The following CYB5R4 variants were observed in gnomAD, a reference collection of about 807,000 sequenced individuals.
The protein encoded by CYB5R4 is cytochrome b5 reductase 4.
CYB5R4 carries 55 observed loss-of-function variants against 70.2 expected under a neutral mutation model. The observed-to-expected ratio is 0.78, with a 90% confidence interval of 0.63 to 0.98. CYB5R4 has a LOEUF of 0.98. Ranked by LOEUF, CYB5R4 falls within the 50% of genes least tolerant of loss-of-function variation. The pLI, the probability that CYB5R4 is intolerant of heterozygous loss-of-function variation, is 0.00. For synonymous variants in CYB5R4, 197 were observed against 199.5 expected (o/e 0.99, Z 0.11); for missense variants, 562 against 612.6 (o/e 0.92, Z 0.87).
chr6:83,891,712 A>G (rs1176819070), intron 2 of CYB5R4, among the ~76,000 whole-genome samples: 1 of 152,168 alleles, frequency 6.6e-6, no homozygotes, highest in Non-Finnish European at 1.5e-5. Flanking sequence ...ACTCACGTCC[A>G]CGGAGTGATC....
chr6:83,867,745 G>A (rs112130846), intron 2 of CYB5R4, among the ~76,000 whole-genome samples: 2 of 152,334 alleles, frequency 1.3e-5, no homozygotes, highest in Non-Finnish European at 2.9e-5. Flanking sequence ...TGCACAGCAT[G>A]ACTCAGCGGG....
intron 14 of CYB5R4, among the ~76,000 whole-genome samples, chr6:83,948,937 C>T (rs2099471094): frequency 6.6e-6 from 1 of 151,930 alleles, no homozygotes. Context: ...CTCTGGCCTG[C>T]CTTTATCCTC....
chr6:83,944,785 A>T (rs1204374141), intron 14 of CYB5R4, among the ~76,000 whole-genome samples: 2 of 152,190 alleles, frequency 1.3e-5, no homozygotes, highest in African/African-American at 4.8e-5. Context: ...AGGAGTTGCA[A>T]TCCTAGTTTC....
intron 14 of CYB5R4, among the ~76,000 whole-genome samples, chr6:83,945,183 C>T (rs566502945): frequency 1.1e-4 from 17 of 152,308 alleles, no homozygotes; most frequent in African/African-American, 3.8e-4. Context: ...AAGTAAAACA[C>T]TCCTCAGCAA....
At chr6:83,877,227 G>A (rs1291950141) in intron 2 of CYB5R4, among the ~76,000 whole-genome samples, 2 of 151,936 alleles carry the variant, frequency 1.3e-5, no homozygotes, top group Non-Finnish European at 2.9e-5. Flanking sequence ...AAGATATATT[G>A]TCATTGAGCA....
chr6:83,912,347 A>G (rs1040381913), intron 4 of CYB5R4, among the ~76,000 whole-genome samples: 2 of 152,248 alleles, frequency 1.3e-5, no homozygotes, highest in South Asian at 2.1e-4. Flanking sequence ...TATTATGTCA[A>G]TATCGCTGTT....
At chr6:83,945,768 C>T (rs2099470494) in intron 14 of CYB5R4, among the ~76,000 whole-genome samples, 1 of 152,150 alleles carries the variant, frequency 6.6e-6, no homozygotes, top group Non-Finnish European at 1.5e-5. Context: ...GAAATACAGA[C>T]TACCATCAGA....
Position 83,956,055 on chromosome 6 carries a change from T to A in CYB5R4, c.1511+593T>A, listed in dbSNP as rs535589941. ...AAAATATTTGGTTAAATATAGCCCC[T>A]ATTGGATTTCTAGATAATTTTAAAA... On this transcript the variant is annotated intron_variant, in intron 15 of 15. Transcript: ENST00000369681. 3.3e-5 allele frequency among the ~76,000 whole-genome samples: 5 copies of A among 152,342 alleles called. No individual in the cohort carries two copies. The South Asian group carries it at 1.0e-3, about 32-fold the overall frequency.
intron 2 of CYB5R4, among the ~76,000 whole-genome samples, chr6:83,866,794 A>AT (rs2099456788): frequency 6.6e-6 from 1 of 151,402 alleles, no homozygotes; most frequent in Non-Finnish European, 1.5e-5. Flanking sequence ...TATTTTTTAT[A>AT]TTTTTCTAGA....
chr6:83,921,319 A>T, intron 8 of CYB5R4, 144 bp downstream of exon 8: 1 of 698,072 alleles, frequency 1.4e-6, no homozygotes, highest in Non-Finnish European at 2.1e-6. Context: ...TTTTCCTGTA[A>T]TTTCTTTACA....
intron 14 of CYB5R4, among the ~76,000 whole-genome samples, chr6:83,946,437 GT>G (rs2099470623): frequency 6.6e-6 from 1 of 152,132 alleles, no homozygotes; most frequent in East Asian, 1.9e-4. Flanking sequence ...AATAAGAGCA[GT>G]TTATGACAAA....
intron 6 of CYB5R4, 29 bp downstream of exon 6, chr6:83,918,094 G>A (rs749241943): frequency 4.5e-6 from 7 of 1,539,276 alleles, no homozygotes; most frequent in Non-Finnish European, 6.3e-6. Context: ...AATTTTTAAA[G>A]TTAAATCAAT....
At chr6:83,935,828 G>A (rs1420304687) in intron 11 of CYB5R4, among the ~76,000 whole-genome samples, 2 of 151,832 alleles carry the variant, frequency 1.3e-5, no homozygotes, top group Non-Finnish European at 2.9e-5. Flanking sequence ...TAAAAATTTG[G>A]TGTATAATTA....
At chr6:83,894,870 G>A (rs1471573770) in intron 3 of CYB5R4, among the ~76,000 whole-genome samples, 4 of 152,128 alleles carry the variant, frequency 2.6e-5, no homozygotes, top group Non-Finnish European at 2.9e-5. Context: ...AGGAGAAATA[G>A]GGAGGGTTGG....
intron 2 of CYB5R4, among the ~76,000 whole-genome samples, chr6:83,889,438 C>T (rs999988965): frequency 7.2e-5 from 11 of 152,286 alleles, no homozygotes; most frequent in Non-Finnish European, 1.5e-4. Flanking sequence ...GAGAATTATG[C>T]TAAGTCTGCC....
At chr6:83,860,434 G>C (rs946357650) in intron 1 of CYB5R4, among the ~76,000 whole-genome samples, 5 of 152,112 alleles carry the variant, frequency 3.3e-5, no homozygotes, top group African/African-American at 9.7e-5. Context: ...TTTTCTACTA[G>C]TATCACTTGC....
At chr6:83,909,308 T>A (rs1169184782) in intron 4 of CYB5R4, among the ~76,000 whole-genome samples, 2 of 152,202 alleles carry the variant, frequency 1.3e-5, no homozygotes, top group Non-Finnish European at 2.9e-5. Flanking sequence ...GAAAGTTCAG[T>A]GTGAGGAGTA....
In CYB5R4 at chr6:83,959,914, A is replaced by C. The variant is rs367847387; in HGVS notation, c.*36A>C. 2 of 1,522,002 alleles carry C rather than the reference A, an allele frequency of 1.3e-6. No individual in the cohort carries two copies. Among genetic ancestry groups the C allele is most frequent in the African/African-American group, 2.8e-5 (2 of 71,974 alleles). The allele number at this position is 1,522,002 out of a possible 1,614,324, so 94.3% of individuals were successfully genotyped here. A position where few individuals can be genotyped will look rare whatever the true frequency, so the allele number is the denominator to read the frequency against. On this transcript the variant is annotated 3_prime_UTR_variant, in exon 16 of 16. Coordinates refer to ENST00000369681, the MANE Select transcript of CYB5R4 (RefSeq NM_016230.4). ...TCATTGTCCTTTATTCAACTAGTTT[A>C]TCTAAATTTGTGATTGCTTAGGGTT...
intron 1 of CYB5R4, among the ~76,000 whole-genome samples, chr6:83,863,622 A>G (rs143675336): frequency 1.9e-4 from 29 of 152,312 alleles, no homozygotes; most frequent in African/African-American, 7.0e-4. Flanking sequence ...TTCTGGTTCA[A>G]TACCATTCCT....
Sources: gnomAD v4.1 joint callset for allele counts (sites outside exome capture counted in the v4.1 genomes callset) on GRCh38, gnomAD v4.1.1 for gene constraint, MANE v1.5 for transcripts, NCBI Gene and HGNC (gene_info 2026-07-23, HGNC 2026-07-21) for gene names.